SMIM45: variants seen among roughly 807,000 people sequenced by gnomAD.
SMIM45 encodes small integral membrane protein 45, also known as long intergenic non-protein coding RNA 634.
the SMIM45 span, among the ~76,000 whole-genome samples, chr22:41,957,117 C>G: frequency 6.6e-6 from 1 of 151,304 alleles, no homozygotes; most frequent in East Asian, 1.9e-4. Context: ...GCTGGGTGTC[C>G]CCATGGCGTG....
At chr22:41,949,236 T>TC in the SMIM45 span, among the ~76,000 whole-genome samples, 1 of 145,324 alleles carries the variant, frequency 6.9e-6, no homozygotes, top group East Asian at 2.4e-4. Context: ...CATGTGAGAC[T>TC]CCATCTCAAA....
At chr22:41,953,744 T>G in the SMIM45 span, among the ~76,000 whole-genome samples, 5 of 71,218 alleles carry the variant, frequency 7.0e-5, no homozygotes, top group Admixed American at 1.5e-4. Context: ...TGATCTGTTT[T>G]TTTTTTTTTT....
the SMIM45 span, among the ~76,000 whole-genome samples, chr22:41,950,984 T>G: frequency 6.6e-6 from 1 of 152,166 alleles, no homozygotes; most frequent in African/African-American, 2.4e-5. Flanking sequence ...ACAGCGAGAC[T>G]CCGTCTCAAA....
At chr22:41,950,043 G>GA in the SMIM45 span, among the ~76,000 whole-genome samples, 1 of 152,200 alleles carries the variant, frequency 6.6e-6, no homozygotes, top group African/African-American at 2.4e-5. Flanking sequence ...AGAGACGGGG[G>GA]ATTCCGAGTG....
chr22:41,956,791 A>G, the SMIM45 span, among the ~76,000 whole-genome samples: 13 of 152,322 alleles, frequency 8.5e-5, no homozygotes, highest in East Asian at 7.7e-4. Context: ...CTGGCAAGAG[A>G]CTGAACCAGA....
chr22:41,949,985 TC>T, the SMIM45 span, among the ~76,000 whole-genome samples: 2 of 152,020 alleles, frequency 1.3e-5, no homozygotes, highest in Non-Finnish European at 2.9e-5. Flanking sequence ...CCAGCATTTT[TC>T]AAATCGGCTT....
chr22:41,949,268 C>T, the SMIM45 span, among the ~76,000 whole-genome samples: 1 of 151,784 alleles, frequency 6.6e-6, no homozygotes, highest in South Asian at 2.1e-4. Flanking sequence ...GAAAGATAAA[C>T]TAAAGCTGTC....
At chr22:41,949,738 T>C in the SMIM45 span, among the ~76,000 whole-genome samples, 1 of 152,208 alleles carries the variant, frequency 6.6e-6, no homozygotes, top group Admixed American at 6.5e-5. Context: ...GGCACTGCAG[T>C]TGGGGAGGCC....
the SMIM45 span, among the ~76,000 whole-genome samples, chr22:41,951,308 G>T: frequency 6.6e-6 from 1 of 151,948 alleles, no homozygotes. Context: ...GGAGGGGGAG[G>T]ATCCATGCTT....
the SMIM45 span, among the ~76,000 whole-genome samples, chr22:41,949,566 G>C: frequency 1.3e-5 from 2 of 152,264 alleles, no homozygotes; most frequent in Non-Finnish European, 2.9e-5. Flanking sequence ...GGCCCTTAGA[G>C]AGTGGTGGGC....
At chr22:41,956,172 GC>G in the SMIM45 span, among the ~76,000 whole-genome samples, 4 of 152,186 alleles carry the variant, frequency 2.6e-5, no homozygotes, top group South Asian at 8.3e-4. Context: ...ACCATGCCCA[GC>G]TAATTTTTTG....
chr22:41,946,953 G>C, the SMIM45 span: 1 of 1,519,194 alleles, frequency 6.6e-7, no homozygotes, highest in Non-Finnish European at 9.1e-7. Context: ...GAGCTCAGTT[G>C]ACCTAGTGGC....
At chr22:41,956,835 C>G in the SMIM45 span, among the ~76,000 whole-genome samples, 1 of 152,276 alleles carries the variant, frequency 6.6e-6, no homozygotes, top group Admixed American at 6.5e-5. Context: ...GTTGCCCAGG[C>G]TGGAGCACAG....
the SMIM45 span, among the ~76,000 whole-genome samples, chr22:41,956,323 T>C: frequency 2.0e-5 from 3 of 152,234 alleles, no homozygotes; most frequent in African/African-American, 4.8e-5. Context: ...ATTCCCATTT[T>C]ATAGATGTAG....
At chr22:41,948,644 C>T in the SMIM45 span, among the ~76,000 whole-genome samples, 4 of 152,222 alleles carry the variant, frequency 2.6e-5, no homozygotes, top group Middle Eastern at 6.8e-3. Flanking sequence ...GTAAGCTGAA[C>T]GCCGTGGCTC....
the SMIM45 span, chr22:41,958,438 G>T: frequency 1.1e-4 from 52 of 455,196 alleles, no homozygotes; most frequent in African/African-American, 8.7e-4. Context: ...TGTGTGGTGG[G>T]GGTATGCAGA....
the SMIM45 span, chr22:41,947,046 G>A: frequency 1.2e-6 from 2 of 1,612,956 alleles, no homozygotes; most frequent in Admixed American, 1.7e-5. Context: ...TTCAGGCCGG[G>A]CAGCTTGTCC....
the SMIM45 span, among the ~76,000 whole-genome samples, chr22:41,954,090 C>T: frequency 6.6e-6 from 1 of 151,858 alleles, no homozygotes; most frequent in African/African-American, 2.4e-5. Flanking sequence ...AGAACCAGTG[C>T]CTGGCACATA....
chr22:41,948,001 C>A, the SMIM45 span, among the ~76,000 whole-genome samples: 1 of 152,176 alleles, frequency 6.6e-6, no homozygotes, highest in Non-Finnish European at 1.5e-5. Context: ...TTTACCTCAT[C>A]TTTCAAGGTT....
Sources: gnomAD v4.1 joint callset for allele counts (sites outside exome capture counted in the v4.1 genomes callset) on GRCh38, gnomAD v4.1.1 for gene constraint, MANE v1.5 for transcripts, NCBI Gene and HGNC (gene_info 2026-07-23, HGNC 2026-07-21) for gene names.